BMP7: variants seen among roughly 807,000 people sequenced by gnomAD.
The protein encoded by BMP7 is osteogenic protein 1.
A neutral mutation model predicts 41.2 loss-of-function variants in BMP7; 12 were observed. That is an observed-to-expected ratio of 0.29 (90% CI 0.19 to 0.47). The LOEUF is 0.47. Among genes scored for constraint, BMP7 ranks in the 20% least tolerant of loss-of-function variants. The pLI, the probability that BMP7 is intolerant of heterozygous loss-of-function variation, is 0.99. For missense variants in BMP7, 467 were observed against 606.0 expected (o/e 0.77, Z 2.41); for synonymous variants, 248 against 250.0 (o/e 0.99, Z 0.07).
intron 4 of BMP7, among the ~76,000 whole-genome samples, chr20:57,182,262 CA>C (rs1984101502): frequency 6.6e-6 from 1 of 152,194 alleles, no homozygotes; most frequent in African/African-American, 2.4e-5. Context: ...GGGCTGTCCA[CA>C]GATGCCCACA....
At chr20:57,222,129 C>G (rs1219448355) in intron 2 of BMP7, among the ~76,000 whole-genome samples, 1 of 152,194 alleles carries the variant, frequency 6.6e-6, no homozygotes, top group East Asian at 1.9e-4. Flanking sequence ...CGTGATATAA[C>G]ACCTACGGGG....
At chr20:57,177,185 G>T (rs1460731117) in intron 4 of BMP7, among the ~76,000 whole-genome samples, 2 of 152,168 alleles carry the variant, frequency 1.3e-5, no homozygotes, top group African/African-American at 4.8e-5. Flanking sequence ...AGCCAAGAGT[G>T]GAAAGCAGAA....
Position 57,261,462 on chromosome 20 carries a change from C to A in BMP7, c.418+4243G>T, listed in dbSNP as rs1484375323. On this transcript the variant is annotated intron_variant, in intron 1 of 6. Coordinates refer to ENST00000395863, the MANE Select transcript of BMP7 (RefSeq NM_001719.3). This position sits in a 1 kb window ranked among gnomAD's most constrained non-coding sequence, Gnocchi z 4.1. ...CTGCCTTGATTCCAGAAGGAAAATA[C>A]ATAGAAAATGAAAAAAGTTCAAAGC... Among the ~76,000 whole-genome samples the A allele has an allele frequency of 6.6e-6, 1 of 152,104 alleles. No homozygotes were observed. The highest frequency in any genetic ancestry group is 1.5e-5 in the Non-Finnish European group (1 of 68,004).
chr20:57,217,336 A>T (rs1381789426), intron 2 of BMP7, among the ~76,000 whole-genome samples: 1 of 152,190 alleles, frequency 6.6e-6, no homozygotes, highest in Non-Finnish European at 1.5e-5. Context: ...GGCCCTGGGG[A>T]AGAGTTAGGA....
rs190983193 is a variant in BMP7 at position 57,198,504 on chromosome 20, A to T, written c.760+3971T>A. 2.0e-3 allele frequency among the ~76,000 whole-genome samples: 308 copies of T among 152,272 alleles called. 2 individuals are homozygous for T. Among genetic ancestry groups the T allele is most frequent in the African/African-American group, 6.3e-3 (261 of 41,578 alleles). ...AGGCTCCCCGCTCGGCCTCCTCCTG[A>T]TGAGCTGCAGGTGCCTGGGAGTTTA... is the stretch of plus-strand genomic sequence containing the variant. On this transcript the variant is annotated intron_variant, in intron 3 of 6. Coordinates refer to ENST00000395863, the MANE Select transcript of BMP7 (RefSeq NM_001719.3).
At chr20:57,216,127 C>T (rs535317260) in intron 2 of BMP7, among the ~76,000 whole-genome samples, 2 of 152,296 alleles carry the variant, frequency 1.3e-5, no homozygotes, top group Admixed American at 6.5e-5. Flanking sequence ...CGGTAGCATC[C>T]TGAAGCCGGG....
chr20:57,176,466 C>T (rs1052021390), intron 4 of BMP7, among the ~76,000 whole-genome samples: 3 of 152,172 alleles, frequency 2.0e-5, no homozygotes, highest in African/African-American at 4.8e-5. Context: ...ATATAGAAAA[C>T]GGCAGTCTGC....
At chr20:57,230,428 C>A (rs1460465475) in intron 1 of BMP7, among the ~76,000 whole-genome samples, 1 of 150,966 alleles carries the variant, frequency 6.6e-6, no homozygotes, top group East Asian at 2.0e-4. Flanking sequence ...CCTCTGTCAC[C>A]TTTCCAGCTC....
chr20:57,176,444 A>G (rs1457546555), intron 4 of BMP7, among the ~76,000 whole-genome samples: 1 of 152,128 alleles, frequency 6.6e-6, no homozygotes, highest in East Asian at 1.9e-4. Flanking sequence ...CTGCCCTGTG[A>G]AGGCTCATCC....
chr20:57,194,105 C>CA (rs139724293), intron 3 of BMP7, among the ~76,000 whole-genome samples: 3,182 of 152,276 alleles, frequency 0.021, 122 homozygotes, highest in African/African-American at 0.072. Context: ...GTCTTCTCCC[C>CA]AAAAAAGGCA....
At chr20:57,172,269 C>G (rs192335194) in intron 6 of BMP7, among the ~76,000 whole-genome samples, 1 of 152,176 alleles carries the variant, frequency 6.6e-6, no homozygotes, top group African/African-American at 2.4e-5. Flanking sequence ...ACCTTCAATC[C>G]CAAGTAGGGC....
chr20:57,176,790 A>ACACACACACC (rs1555811499), intron 4 of BMP7, among the ~76,000 whole-genome samples: 6 of 148,496 alleles, frequency 4.0e-5, no homozygotes, highest in Admixed American at 2.7e-4. Context: ...ACACACACAC[A>ACACACACACC]CCTGTTAACT....
intron 1 of BMP7, among the ~76,000 whole-genome samples, chr20:57,243,308 G>T (rs901744859): frequency 1.3e-5 from 2 of 152,010 alleles, no homozygotes; most frequent in Admixed American, 1.3e-4. Context: ...CCAAAACCCT[G>T]TCTCTACTAA....
chr20:57,183,667 C>A, intron 4 of BMP7, 55 bp downstream of exon 4: 3 of 1,609,156 alleles, frequency 1.9e-6, no homozygotes, highest in South Asian at 1.1e-5. Context: ...CGGGTCCCGC[C>A]GGGGCCCTGC....
In BMP7 at chr20:57,169,067, C is replaced by T. The variant is rs918459095; in HGVS notation, c.*1892G>A. 2.0e-5 allele frequency: 3 copies of T among 152,154 alleles called. No homozygotes were observed. The highest frequency in any genetic ancestry group is 7.2e-5 in the African/African-American group (3 of 41,416). The allele number at this position is 152,154 out of a possible 1,614,324, so 9.4% of individuals were successfully genotyped here. A position where few individuals can be genotyped will look rare whatever the true frequency, so the allele number is the denominator to read the frequency against. On this transcript the variant is annotated 3_prime_UTR_variant, in exon 7 of 7. Transcript: ENST00000395863. ...CAGAGGCTGGTTGGGTCAGAAAACT[C>T]ACACCAAGAGGGATCACACAAAAAG...
intron 2 of BMP7, among the ~76,000 whole-genome samples, chr20:57,222,417 A>C (rs1029416856): frequency 1.3e-5 from 2 of 152,154 alleles, no homozygotes; most frequent in African/African-American, 4.8e-5. Flanking sequence ...ACTGGATTGA[A>C]CACAGTGGTT....
intron 3 of BMP7, among the ~76,000 whole-genome samples, chr20:57,190,441 C>CCGAGG (rs1298489597): frequency 3.2e-5 from 4 of 125,872 alleles, no homozygotes; most frequent in African/African-American, 1.1e-4. Flanking sequence ...GGGGGTGAGG[C>CCGAGG]TGGAGAGCGT....
Position 57,214,517 on chromosome 20 carries a change from C to A in BMP7, c.612-11894G>T, listed in dbSNP as rs1404611564. The stretch of plus-strand genomic sequence containing the variant: ...ACCTGTAAGGCCCTGGATGGTCCGG[C>A]CCCTGTCTCCACAGCCTCCTCCCAC... On this transcript the variant is annotated intron_variant, in intron 2 of 6. Coordinates refer to ENST00000395863, the MANE Select transcript of BMP7 (RefSeq NM_001719.3). The surrounding 1 kb of genome is among the most constrained non-coding windows in gnomAD (Gnocchi z 4.0). 6.6e-6 allele frequency among the ~76,000 whole-genome samples: 1 copy of A among 152,142 alleles called. No individual in the cohort carries two copies. Among genetic ancestry groups the A allele is most frequent in the African/African-American group, 2.4e-5 (1 of 41,428 alleles).
intron 1 of BMP7, among the ~76,000 whole-genome samples, chr20:57,248,241 A>G (rs2066097974): frequency 6.6e-6 from 1 of 152,252 alleles, no homozygotes; most frequent in South Asian, 2.1e-4. Flanking sequence ...TATACAACAC[A>G]GGAAACAACG....
Sources: gnomAD v4.1 joint callset for allele counts (sites outside exome capture counted in the v4.1 genomes callset) on GRCh38, gnomAD v4.1.1 for gene constraint, Gnocchi (gnomAD v3.1) non-coding constraint, MANE v1.5 for transcripts, NCBI Gene and HGNC (gene_info 2026-07-23, HGNC 2026-07-21) for gene names.